RBBP5: variants seen among roughly 807,000 people sequenced by gnomAD.
RBBP5 encodes RB binding protein 5, histone lysine methyltransferase complex subunit, also known as retinoblastoma-binding protein 5.
In RBBP5, 5 loss-of-function variants were observed where a neutral mutation model predicts 72.2. The observed-to-expected ratio is 0.07, with a 90% confidence interval of 0.04 to 0.15. The LOEUF (loss-of-function observed/expected upper bound fraction) is 0.15. Ranked by LOEUF, RBBP5 falls within the 10% of genes least tolerant of loss-of-function variation. The pLI, the probability that RBBP5 is intolerant of heterozygous loss-of-function variation, is 1.00. For missense variants in RBBP5, 322 were observed against 652.2 expected, an observed-to-expected ratio of 0.49 and a Z score of 5.51; for synonymous variants, 209 against 237.2, an observed-to-expected ratio of 0.88 and a Z score of 1.09.
intron 3 of RBBP5, among the ~76,000 whole-genome samples, chr1:205,112,359 A>G (rs988042643): frequency 6.6e-6 from 1 of 152,130 alleles, no homozygotes; most frequent in African/African-American, 2.4e-5. Flanking sequence ...TATCTCATCT[A>G]TGACGGCTTT....
chr1:205,096,637 G>T, intron 12 of RBBP5, 45 bp downstream of exon 12: 1 of 1,566,410 alleles, frequency 6.4e-7, no homozygotes, highest in South Asian at 1.2e-5. Flanking sequence ...GGAGTGAGTA[G>T]AAAGTGGCGT....
At position 205,095,084 on chromosome 1, in the gene RBBP5, G is replaced by A. The variant is rs760016544; in HGVS notation, c.1397-20C>T. On this transcript the variant is annotated intron_variant, in intron 12 of 13. Transcript: ENST00000264515. Reference sequence around the variant, plus strand: ...GGACTTCTGTAGGACAGACAGGCATGGAAAGGAATCCACATGACACCAGTC... The same window carrying A: ...GGACTTCTGTAGGACAGACAGGCATAGAAAGGAATCCACATGACACCAGTC... The A allele has an allele frequency of 6.2e-7, 1 of 1,612,470 alleles. No homozygotes were observed. The highest frequency in any genetic ancestry group is 8.5e-7 in the Non-Finnish European group (1 of 1,178,870).
At chr1:205,113,638 G>A (rs948720547) in intron 3 of RBBP5, among the ~76,000 whole-genome samples, 6 of 151,014 alleles carry the variant, frequency 4.0e-5, no homozygotes, top group South Asian at 2.1e-4. Context: ...TTGTACACTC[G>A]AAATTTTATA....
intron 3 of RBBP5, among the ~76,000 whole-genome samples, chr1:205,106,389 G>GT (rs1656065398): frequency 6.6e-6 from 1 of 152,186 alleles, no homozygotes; most frequent in Non-Finnish European, 1.5e-5. Flanking sequence ...GAGGCCCAGA[G>GT]TTTGAGACCA....
intron 13 of RBBP5, among the ~76,000 whole-genome samples, chr1:205,089,613 T>C (rs1479813345): frequency 1.3e-5 from 2 of 152,202 alleles, no homozygotes; most frequent in African/African-American, 4.8e-5. Context: ...TTATATAACT[T>C]TGATTTTTGA....
chr1:205,109,655 A>G (rs1475408466), intron 3 of RBBP5, among the ~76,000 whole-genome samples: 2 of 152,192 alleles, frequency 1.3e-5, no homozygotes, highest in African/African-American at 4.8e-5. Flanking sequence ...TTTCTGTCAT[A>G]ATGGAGGGAA....
At chr1:205,110,137 A>T (rs1656255251) in intron 3 of RBBP5, among the ~76,000 whole-genome samples, 1 of 151,690 alleles carries the variant, frequency 6.6e-6, no homozygotes, top group Non-Finnish European at 1.5e-5. Flanking sequence ...CTCCTGCCTC[A>T]GCCTCCCGAG....
At chr1:205,093,107 T>C (rs1655414565) in intron 13 of RBBP5, among the ~76,000 whole-genome samples, 1 of 152,016 alleles carries the variant, frequency 6.6e-6, no homozygotes, top group African/African-American at 2.4e-5. Context: ...CTTATTTACA[T>C]CTAGTCATTC....
intron 1 of RBBP5, among the ~76,000 whole-genome samples, chr1:205,119,244 A>C (rs1414914012): frequency 6.6e-6 from 1 of 152,044 alleles, no homozygotes; most frequent in Non-Finnish European, 1.5e-5. Flanking sequence ...AATACAAAAA[A>C]TATAGCCAGG....
intron 3 of RBBP5, among the ~76,000 whole-genome samples, chr1:205,109,101 T>C (rs1656199347): frequency 6.6e-6 from 1 of 152,162 alleles, no homozygotes; most frequent in South Asian, 2.1e-4. Flanking sequence ...ACAAAAGGAC[T>C]CTGTGTGTCT....
At chr1:205,115,835 T>C in intron 2 of RBBP5, 23 bp downstream of exon 2, 1 of 1,563,360 alleles carries the variant, frequency 6.4e-7, no homozygotes, top group Non-Finnish European at 8.6e-7. Context: ...GTTCCTAAAA[T>C]CACCACAATA....
At chr1:205,097,609 C>T (rs1655666986) in intron 10 of RBBP5, among the ~76,000 whole-genome samples, 1 of 152,158 alleles carries the variant, frequency 6.6e-6, no homozygotes, top group South Asian at 2.1e-4. Context: ...TTGGGAACAG[C>T]TCTTCAGTAA....
At chr1:205,101,900 T>A (rs1345376014) in intron 5 of RBBP5, among the ~76,000 whole-genome samples, 191 bp from the exon 6 acceptor site, 1 of 151,134 alleles carries the variant, frequency 6.6e-6, no homozygotes, top group African/African-American at 2.4e-5. Flanking sequence ...TAGTCTTTTT[T>A]TTTTTTTTTT....
Position 205,121,974 on chromosome 1 carries a change from C to T in RBBP5, c.-101G>A, listed in dbSNP as rs1395046806. On this transcript the variant is annotated 5_prime_UTR_variant, in exon 1 of 14. Transcript: ENST00000264515. The stretch of plus-strand genomic sequence containing the variant: ...CTAAGTGGTGGACGCCGCGAAGAGA[C>T]TGGCGCAAGCTCCGAAGACTTTCGG... 2.6e-6 allele frequency: 4 copies of T among 1,556,638 alleles called. No homozygotes were observed. The highest frequency in any genetic ancestry group is 2.7e-5 in the African/African-American group (2 of 73,710).
chr1:205,108,791 G>A (rs1012393642), intron 3 of RBBP5, among the ~76,000 whole-genome samples: 27 of 152,172 alleles, frequency 1.8e-4, no homozygotes, highest in African/African-American at 6.5e-4. Context: ...ATCTTAGCAC[G>A]TTACTTAAGC....
In RBBP5 at chr1:205,088,821, G is replaced by A. The variant is rs767865228; in HGVS notation, c.1589-6C>T. On this transcript the variant is annotated splice_region_variant and splice_polypyrimidine_tract_variant and intron_variant, in intron 13 of 13. Transcript: ENST00000264515. ...TTCTGAGATTGCTCCTCCTGCTAAA[G>A]AGATTAGACACAAAAAGATTTCTTT... 1 of 1,573,776 alleles carries A rather than the reference G, an allele frequency of 6.4e-7. No homozygotes were observed. Among genetic ancestry groups the A allele is most frequent in the East Asian group, 2.3e-5 (1 of 43,564 alleles).
intron 3 of RBBP5, among the ~76,000 whole-genome samples, chr1:205,113,667 C>T: frequency 6.7e-6 from 1 of 149,242 alleles, no homozygotes; most frequent in African/African-American, 2.5e-5. Context: ...AACACATACA[C>T]ACACACATAA....
intron 5 of RBBP5, among the ~76,000 whole-genome samples, chr1:205,102,514 G>T (rs1041589545): frequency 3.9e-5 from 6 of 152,096 alleles, no homozygotes; most frequent in Non-Finnish European, 5.9e-5. Context: ...CGGAGAGCAG[G>T]GAATGGGAAA....
Position 205,103,955 on chromosome 1 carries a change from G to A in RBBP5, c.424C>T (p.His142Tyr). 6.2e-7 allele frequency: 1 copy of A among 1,614,100 alleles called. No individual in the cohort carries two copies. The highest frequency in any genetic ancestry group is 1.1e-5 in the South Asian group (1 of 91,076). Reference protein sequence around the residue: ...PVMLTLSDSKHVVLPVDDDSD... With the variant: ...PVMLTLSDSKYVVLPVDDDSD... ...TCATCGTCCACCGGCAGAACAACAT[G>A]TTTGGAATCTGAAAGGGTCAACATG... The change falls in exon 5 of 14, where the codon CAT (histidine) becomes TAT (tyrosine). Residue 142 changes from histidine (H) to tyrosine (Y), a missense_variant. Transcript: ENST00000264515.
Sources: allele counts gnomAD v4.1 joint callset (sites outside exome capture counted in the v4.1 genomes callset), GRCh38; gene constraint gnomAD v4.1.1; transcripts MANE v1.5; gene names NCBI Gene and HGNC (gene_info 2026-07-23, HGNC 2026-07-21).